Variants in SH3RF1 observed in about 807,000 individuals in gnomAD.
The protein encoded by SH3RF1 is SH3 domain containing ring finger 1.
SH3RF1 carries 32 observed loss-of-function variants against 74.0 expected under a neutral mutation model. The ratio of observed to expected loss-of-function variants is 0.43; its 90% confidence interval spans 0.33 to 0.58. SH3RF1 has a LOEUF of 0.58. Ranked by LOEUF, SH3RF1 falls within the 20% of genes least tolerant of loss-of-function variation. The probability of loss-of-function intolerance (pLI) is 0.05; values close to 1 mark genes in which losing one functional copy is unlikely to be tolerated. For missense variants in SH3RF1, 954 were observed against 1,130.9 expected (o/e 0.84, Z 2.24); for synonymous variants, 396 against 439.6 (o/e 0.90, Z 1.24).
At chr4:169,138,621 G>C (rs1733736138) in intron 4 of SH3RF1, among the ~76,000 whole-genome samples, 1 of 152,196 alleles carries the variant, frequency 6.6e-6, no homozygotes, top group Admixed American at 6.5e-5. Flanking sequence ...AATATGAATA[G>C]AGGAAACTAT....
intron 2 of SH3RF1, among the ~76,000 whole-genome samples, chr4:169,170,670 T>C (rs1363440042): frequency 1.5e-4 from 23 of 152,212 alleles, no homozygotes; most frequent in Admixed American, 1.5e-3. Flanking sequence ...ATTAGATGAC[T>C]ACTTTTCTGC....
chr4:169,152,593 C>T (rs972639705), intron 4 of SH3RF1, among the ~76,000 whole-genome samples: 4 of 152,032 alleles, frequency 2.6e-5, no homozygotes, highest in Admixed American at 6.6e-5. Context: ...CAAAATTAGC[C>T]GGACGTGGTG....
intron 4 of SH3RF1, among the ~76,000 whole-genome samples, chr4:169,147,222 G>A (rs1733907118): frequency 6.6e-6 from 1 of 152,120 alleles, no homozygotes; most frequent in African/African-American, 2.4e-5. Context: ...ATGTCTGTTA[G>A]CCAAAAGTAT....
intron 2 of SH3RF1, among the ~76,000 whole-genome samples, chr4:169,194,334 T>C (rs1271921742): frequency 6.6e-6 from 1 of 152,180 alleles, no homozygotes; most frequent in Non-Finnish European, 1.5e-5. Context: ...CCTAGAAGTG[T>C]GCCTTATGAC....
intron 2 of SH3RF1, among the ~76,000 whole-genome samples, chr4:169,174,423 C>T (rs1173554760): frequency 6.6e-6 from 1 of 152,142 alleles, no homozygotes; most frequent in Non-Finnish European, 1.5e-5. Context: ...CTGTTAAATG[C>T]ATACATAGTC....
chr4:169,197,293 C>T (rs972602846), intron 2 of SH3RF1, among the ~76,000 whole-genome samples: 30 of 152,074 alleles, frequency 2.0e-4, no homozygotes, highest in Admixed American at 2.0e-4. Context: ...TGAGGCACCA[C>T]GCCCAGCCAA....
intron 2 of SH3RF1, among the ~76,000 whole-genome samples, chr4:169,240,707 T>A (rs2110734800): frequency 6.6e-6 from 1 of 152,284 alleles, no homozygotes; most frequent in South Asian, 2.1e-4. Context: ...TCATTTCTTG[T>A]GAGAATATTT....
At chr4:169,147,596 T>C (rs1220075302) in intron 4 of SH3RF1, among the ~76,000 whole-genome samples, 1 of 152,218 alleles carries the variant, frequency 6.6e-6, no homozygotes, top group Non-Finnish European at 1.5e-5. Context: ...CCTCTCAACA[T>C]ATGGAGGAAT....
chr4:169,158,853 C>T (rs1258049631), intron 2 of SH3RF1, among the ~76,000 whole-genome samples: 3 of 152,168 alleles, frequency 2.0e-5, no homozygotes, highest in Admixed American at 6.6e-5. Context: ...GTCTGGACTA[C>T]CTATAAGCCA....
intron 2 of SH3RF1, among the ~76,000 whole-genome samples, chr4:169,200,622 T>C (rs1347736674): frequency 2.0e-5 from 3 of 152,198 alleles, no homozygotes; most frequent in Non-Finnish European, 2.9e-5. Context: ...TAATCTTTCA[T>C]ATGTATCATA....
At chr4:169,201,037 G>A (rs1166229049) in intron 2 of SH3RF1, among the ~76,000 whole-genome samples, 1 of 151,980 alleles carries the variant, frequency 6.6e-6, no homozygotes, top group Non-Finnish European at 1.5e-5. Flanking sequence ...CAAATATAAA[G>A]AAATTAAGAT....
intron 2 of SH3RF1, among the ~76,000 whole-genome samples, chr4:169,181,445 T>G (rs1734509061): frequency 6.6e-6 from 1 of 151,938 alleles, no homozygotes; most frequent in African/African-American, 2.4e-5. Context: ...GTATTTTTTG[T>G]AGAGACGGGG....
chr4:169,208,046 TG>T (rs1245276967), intron 2 of SH3RF1, among the ~76,000 whole-genome samples: 1 of 152,078 alleles, frequency 6.6e-6, no homozygotes, highest in Non-Finnish European at 1.5e-5. Context: ...CTTCCACATC[TG>T]GGGGTAGGAT....
At chr4:169,193,756 T>A (rs1293510767) in intron 2 of SH3RF1, among the ~76,000 whole-genome samples, 1 of 152,192 alleles carries the variant, frequency 6.6e-6, no homozygotes, top group Non-Finnish European at 1.5e-5. Flanking sequence ...GAACTGCAAC[T>A]GAATATGAGT....
intron 2 of SH3RF1, among the ~76,000 whole-genome samples, chr4:169,179,380 T>C (rs1734472526): frequency 6.6e-6 from 1 of 152,248 alleles, no homozygotes; most frequent in Non-Finnish European, 1.5e-5. Context: ...TGTGTTAGAC[T>C]TCTGACCTAC....
rs367692797 is a variant in SH3RF1 at position 169,203,331 on chromosome 4, G to A, written c.394-46652C>T. Among the ~76,000 whole-genome samples, 232 of 152,162 alleles carry A rather than the reference G, an allele frequency of 1.5e-3. 1 individual carries two copies. The South Asian group carries it at 0.018, about 12-fold the overall frequency. On this transcript the variant is annotated intron_variant, in intron 2 of 11. Coordinates refer to ENST00000284637, the MANE Select transcript of SH3RF1 (RefSeq NM_020870.4). Reference sequence around the variant, plus strand: ...TTTGGGAGGCTGAGATTGGTGGATCGCTTGAATCCAGGAGTTCCAGACCAG... The same window carrying A: ...TTTGGGAGGCTGAGATTGGTGGATCACTTGAATCCAGGAGTTCCAGACCAG...
At chr4:169,225,834 T>C (rs569973881) in intron 2 of SH3RF1, among the ~76,000 whole-genome samples, 1 of 151,936 alleles carries the variant, frequency 6.6e-6, no homozygotes, top group Non-Finnish European at 1.5e-5. Flanking sequence ...AGTGGAGAGA[T>C]TGAAGTTGCA....
rs926082613 is a variant in SH3RF1 at position 169,156,280 on chromosome 4, C to T, written c.669+124G>A. On this transcript the variant is annotated intron_variant, in intron 3 of 11. Coordinates refer to ENST00000284637, the MANE Select transcript of SH3RF1 (RefSeq NM_020870.4). ...GACTGCTTCTAGGCATTTTCAGAAG[C>T]ATAGTGAGTAGTTCACACAAAACTT... is the stretch of plus-strand genomic sequence containing the variant. 7.6e-6 allele frequency: 8 copies of T among 1,059,596 alleles called. No individual in the cohort carries two copies. In the African/African-American group the frequency reaches 9.6e-5, roughly 13 times the overall value. The allele number at this position is 1,059,596 out of a possible 1,614,324, so 65.6% of individuals were successfully genotyped here. A position where few individuals can be genotyped will look rare whatever the true frequency, so the allele number is the denominator to read the frequency against.
At chr4:169,225,585 T>C (rs1017538394) in intron 2 of SH3RF1, among the ~76,000 whole-genome samples, 2 of 152,216 alleles carry the variant, frequency 1.3e-5, no homozygotes, top group Non-Finnish European at 2.9e-5. Flanking sequence ...TAAGAGAGTC[T>C]GGAGACTGTC....
Sources: allele counts gnomAD v4.1 joint callset (sites outside exome capture counted in the v4.1 genomes callset), GRCh38; gene constraint gnomAD v4.1.1; transcripts MANE v1.5; gene names NCBI Gene and HGNC (gene_info 2026-07-23, HGNC 2026-07-21).